Variants in LRRFIP1 observed in about 807,000 individuals in gnomAD.
The protein encoded by LRRFIP1 is leucine-rich repeat flightless-interacting protein 1.
Under a neutral mutation model 104.4 loss-of-function variants are expected in LRRFIP1, and 62 were observed. The observed-to-expected ratio is 0.59, with a 90% CI of 0.48 to 0.73. LRRFIP1 has a LOEUF of 0.73. Ranked by LOEUF, LRRFIP1 falls within the 30% of genes least tolerant of loss-of-function variation. LRRFIP1 has a pLI of 0.00. For synonymous variants in LRRFIP1, 300 were observed against 299.0 expected, an observed-to-expected ratio of 1.00 and a Z score of -0.03; for missense variants, 796 against 824.5, an observed-to-expected ratio of 0.97 and a Z score of 0.42.
rs918802906 is a variant in LRRFIP1 at position 237,717,349 on chromosome 2, G to A, written c.202-413G>A. On this transcript the variant is annotated intron_variant, in intron 3 of 23. Coordinates refer to ENST00000308482, the MANE Select transcript of LRRFIP1 (RefSeq NM_001137550.2). This position sits in a 1 kb window ranked among gnomAD's most constrained non-coding sequence, Gnocchi z 4.2. Reference sequence around the variant, plus strand: ...TCAGTTTCCCTGAGGTCCCAACACCGGAATGGCTCTGAGCTTCTGCTTCTC... The same window carrying A: ...TCAGTTTCCCTGAGGTCCCAACACCAGAATGGCTCTGAGCTTCTGCTTCTC... Among the ~76,000 whole-genome samples, 6 of 152,174 alleles carry A rather than the reference G, an allele frequency of 3.9e-5. No homozygotes were observed. Among genetic ancestry groups the A allele is most frequent in the African/African-American group, 1.4e-4 (6 of 41,446 alleles).
In LRRFIP1 at chr2:237,653,862, A is replaced by G. The variant is rs142209290; in HGVS notation, c.96+26122A>G. ...ATATAAAAAAATCAACTCAAAATGTATTAAAGACTTAAATGTAAGACCTGA... is the reference window on the plus strand; with the variant it reads ...ATATAAAAAAATCAACTCAAAATGTGTTAAAGACTTAAATGTAAGACCTGA... On this transcript the variant is annotated intron_variant, in intron 1 of 23. Transcript: ENST00000308482. 3.1e-4 allele frequency among the ~76,000 whole-genome samples: 48 copies of G among 152,390 alleles called. 1 individual carries two copies. In the East Asian group the frequency reaches 5.8e-3, roughly 18 times the overall value.
chr2:237,712,070 G>A (rs2094123819), intron 2 of LRRFIP1, among the ~76,000 whole-genome samples: 1 of 152,202 alleles, frequency 6.6e-6, no homozygotes, highest in Non-Finnish European at 1.5e-5. Context: ...GGGGCGGGGG[G>A]ACATCCCAGA....
intron 15 of LRRFIP1, among the ~76,000 whole-genome samples, chr2:237,755,790 C>T (rs1052416577): frequency 6.6e-6 from 1 of 152,042 alleles, no homozygotes; most frequent in Non-Finnish European, 1.5e-5. Context: ...AAAAATTAGC[C>T]GGGCATGGAG....
At chr2:237,702,895 A>G (rs1424729353) in intron 1 of LRRFIP1, among the ~76,000 whole-genome samples, 1 of 152,024 alleles carries the variant, frequency 6.6e-6, no homozygotes, top group African/African-American at 2.4e-5. Context: ...AGCCGTTTAC[A>G]CCCCACCCAG....
At chr2:237,659,021 A>G (rs2087349443) in intron 1 of LRRFIP1, among the ~76,000 whole-genome samples, 1 of 152,230 alleles carries the variant, frequency 6.6e-6, no homozygotes, top group Admixed American at 6.5e-5. Flanking sequence ...AGATCCAAAT[A>G]AATGATGAAC....
chr2:237,764,054 C>T, intron 19 of LRRFIP1: 1 of 1,614,140 alleles, frequency 6.2e-7, no homozygotes. Context: ...AGGAAGAGAG[C>T]CAGGGCACTT....
rs1200155735 is a variant in LRRFIP1, at chr2:237,714,254, T to C, written c.184-5T>C. On this transcript the variant is annotated splice_region_variant and splice_polypyrimidine_tract_variant and intron_variant, in intron 2 of 23. Coordinates refer to ENST00000308482, the MANE Select transcript of LRRFIP1 (RefSeq NM_001137550.2). ...ATTTCTTTTTTCTTCTGTCCTTCTC[T>C]ATAGATCTATCAGGTCCAAAAGGTA... 1.3e-6 allele frequency: 2 copies of C among 1,594,254 alleles called. No homozygotes were observed. The highest frequency in any genetic ancestry group is 2.2e-5 in the South Asian group (2 of 89,316).
rs2060245712 is a variant in LRRFIP1 at position 237,766,227 on chromosome 2, C to A, written c.1460-3716C>A. Reference sequence around the variant, plus strand: ...CTGTGCTTACCTGCGCCACTACTTACAGTGTTTTGAAGAGCAGGATGAAAA... The same window carrying A: ...CTGTGCTTACCTGCGCCACTACTTAAAGTGTTTTGAAGAGCAGGATGAAAA... On this transcript the variant is annotated intron_variant, in intron 19 of 23. Coordinates refer to ENST00000308482, the MANE Select transcript of LRRFIP1 (RefSeq NM_001137550.2). This position sits in a 1 kb window ranked among gnomAD's most constrained non-coding sequence, Gnocchi z 4.8. Among the ~76,000 whole-genome samples the A allele has an allele frequency of 6.6e-6, 1 of 152,200 alleles. No homozygotes were observed. Among genetic ancestry groups the A allele is most frequent in the African/African-American group, 2.4e-5 (1 of 41,456 alleles).
At chr2:237,694,345 A>G (rs890151153) in intron 1 of LRRFIP1, among the ~76,000 whole-genome samples, 1 of 152,188 alleles carries the variant, frequency 6.6e-6, no homozygotes, top group Admixed American at 6.5e-5. Context: ...TTCTTGGTAA[A>G]TGGTAGCAAA....
At chr2:237,692,369 C>A (rs1165078485) in intron 1 of LRRFIP1, 12 of 1,313,704 alleles carry the variant, frequency 9.1e-6, no homozygotes, top group Non-Finnish European at 1.2e-5. Context: ...GCGGACAGAG[C>A]GCGCGCCCCC....
intron 11 of LRRFIP1, among the ~76,000 whole-genome samples, chr2:237,740,077 G>A (rs529519807): frequency 7.9e-5 from 12 of 152,138 alleles, no homozygotes; most frequent in African/African-American, 2.7e-4. Context: ...GCAAAGATGG[G>A]CAAGGCTTCC....
chr2:237,702,533 C>G (rs748446578), intron 1 of LRRFIP1, among the ~76,000 whole-genome samples: 1 of 152,174 alleles, frequency 6.6e-6, no homozygotes, highest in African/African-American at 2.4e-5. Flanking sequence ...ATCCTAACCC[C>G]GCGGGCAGCA....
At chr2:237,660,514 A>C (rs971101756) in intron 1 of LRRFIP1, among the ~76,000 whole-genome samples, 1 of 152,214 alleles carries the variant, frequency 6.6e-6, no homozygotes, top group African/African-American at 2.4e-5. Context: ...ATCTCTGCAG[A>C]GTACAGCTGG....
intron 8 of LRRFIP1, among the ~76,000 whole-genome samples, chr2:237,733,071 C>T (rs1469280451): frequency 6.6e-6 from 1 of 152,198 alleles, no homozygotes; most frequent in African/African-American, 2.4e-5. Flanking sequence ...ACCGCCTGGC[C>T]GTGCACCTTG....
At chr2:237,679,486 A>G (rs1179821309) in intron 1 of LRRFIP1, among the ~76,000 whole-genome samples, 2 of 151,534 alleles carry the variant, frequency 1.3e-5, no homozygotes, top group East Asian at 3.9e-4. Context: ...GGGTGTAGAT[A>G]AAATTTGTAA....
intron 1 of LRRFIP1, chr2:237,692,509 AGC>A (rs2092875770): frequency 6.5e-7 from 1 of 1,531,186 alleles, no homozygotes; most frequent in Non-Finnish European, 8.8e-7. Context: ...TGAGCCCGGA[AGC>A]GCAGAAGCTG....
chr2:237,664,249 C>A (rs773042332), intron 1 of LRRFIP1, among the ~76,000 whole-genome samples: 1 of 152,254 alleles, frequency 6.6e-6, no homozygotes, highest in Non-Finnish European at 1.5e-5. Flanking sequence ...GGAGGGGGCC[C>A]AAGCCAGGGA....
At chr2:237,667,038 TC>T in intron 1 of LRRFIP1, among the ~76,000 whole-genome samples, 1 of 152,124 alleles carries the variant, frequency 6.6e-6, no homozygotes, top group East Asian at 1.9e-4. Context: ...CACTTTAAGT[TC>T]TGGGATAGGT....
chr2:237,717,849 C>T lies in LRRFIP1; in HGVS notation c.249+40C>T, dbSNP rs368614132. Reference sequence around the variant, plus strand: ...TAATTTTGTTTTTACTCTTCCCTCCCCACTTGAATACAGTGTTGAGACTTA... The same window carrying T: ...TAATTTTGTTTTTACTCTTCCCTCCTCACTTGAATACAGTGTTGAGACTTA... On this transcript the variant is annotated intron_variant, in intron 4 of 23. Transcript: ENST00000308482. This position sits in a 1 kb window ranked among gnomAD's most constrained non-coding sequence, Gnocchi z 4.2. The T allele has an allele frequency of 3.5e-5, 50 of 1,438,566 alleles. No homozygotes were observed. The highest frequency in any genetic ancestry group is 4.7e-5 in the Non-Finnish European group (48 of 1,020,114). The allele number at this position is 1,438,566 out of a possible 1,614,324, so 89.1% of individuals were successfully genotyped here.
Sources: allele counts gnomAD v4.1 joint callset (sites outside exome capture counted in the v4.1 genomes callset), GRCh38; gene constraint gnomAD v4.1.1; non-coding constraint Gnocchi (gnomAD v3.1); transcripts MANE v1.5; gene names NCBI Gene and HGNC (gene_info 2026-07-23, HGNC 2026-07-21).